Variants in EIPR1 observed in about 807,000 individuals in gnomAD.
EIPR1 encodes the protein EARP and GARP complex-interacting protein 1.
A neutral mutation model predicts 48.1 loss-of-function variants in EIPR1; 25 were observed. The ratio of observed to expected loss-of-function variants is 0.52; its 90% CI spans 0.38 to 0.73. EIPR1 has a LOEUF of 0.73. EIPR1 is among the 30% of genes least tolerant of loss of function. The probability of loss-of-function intolerance (pLI) is 0.00; values close to 1 mark genes in which losing one functional copy is unlikely to be tolerated. For synonymous variants in EIPR1, 204 were observed against 201.9 expected (o/e 1.01, Z -0.09); for missense variants, 415 against 506.2 (o/e 0.82, Z 1.73).
At chr2:3,281,524 T>G (rs913927629) in intron 3 of EIPR1, among the ~76,000 whole-genome samples, 1 of 151,950 alleles carries the variant, frequency 6.6e-6, no homozygotes, top group African/African-American at 2.4e-5. Context: ...ATGAAAAAAC[T>G]GAGGAAAAAT....
At chr2:3,316,734 C>T (rs1182894547) in intron 3 of EIPR1, among the ~76,000 whole-genome samples, 1 of 152,214 alleles carries the variant, frequency 6.6e-6, no homozygotes, top group Non-Finnish European at 1.5e-5. Context: ...AAGTAACAAA[C>T]CACAAAGTTG....
At chr2:3,351,040 C>G (rs1360043436) in intron 2 of EIPR1, among the ~76,000 whole-genome samples, 7 of 145,718 alleles carry the variant, frequency 4.8e-5, no homozygotes, top group African/African-American at 1.7e-4. Flanking sequence ...GCTCTGTCAC[C>G]CAGCCTGGAG....
At chr2:3,289,337 G>A (rs761858222) in intron 3 of EIPR1, among the ~76,000 whole-genome samples, 3 of 152,170 alleles carry the variant, frequency 2.0e-5, no homozygotes, top group Non-Finnish European at 4.4e-5. Flanking sequence ...CCAGACAGAG[G>A]ATGGGGCGTG....
chr2:3,302,316 G>C (rs1262040314), intron 3 of EIPR1, among the ~76,000 whole-genome samples: 1 of 152,152 alleles, frequency 6.6e-6, no homozygotes, highest in African/African-American at 2.4e-5. Flanking sequence ...AGCACAGCAA[G>C]ACCCTGTCTC....
chr2:3,256,235 G>A (rs1180351449), intron 4 of EIPR1, among the ~76,000 whole-genome samples: 7 of 152,210 alleles, frequency 4.6e-5, no homozygotes, highest in Admixed American at 1.3e-4. Context: ...AACCTGAGTC[G>A]GTCCTCAGTC....
rs948461650 is a variant in EIPR1 at position 3,299,624 on chromosome 2, T to TCTCA, written c.259+38392_259+38393insTGAG. Among the ~76,000 whole-genome samples the TCTCA allele has an allele frequency of 2.8e-3, 380 of 136,804 alleles. 1 individual carries two copies. The highest frequency in any genetic ancestry group is 6.1e-3 in the South Asian group (24 of 3,966). The allele number at this position is 136,804 out of a possible 152,430, so 89.7% of individuals were successfully genotyped here. ...TATTTTCTCTCTCTCTCTCTCTCTC[T>TCTCA]CACACACACACACACACACACACAC... On this transcript the variant is annotated intron_variant, in intron 3 of 8. Coordinates refer to ENST00000382125, the MANE Select transcript of EIPR1 (RefSeq NM_003310.5).
intron 2 of EIPR1, among the ~76,000 whole-genome samples, chr2:3,346,341 G>A (rs936045709): frequency 2.0e-5 from 3 of 152,232 alleles, no homozygotes; most frequent in Admixed American, 6.5e-5. Flanking sequence ...TCTGGATAGC[G>A]TGACTTCTCT....
At chr2:3,231,517 A>G (rs1022120565) in intron 4 of EIPR1, among the ~76,000 whole-genome samples, 2 of 152,210 alleles carry the variant, frequency 1.3e-5, no homozygotes, top group Non-Finnish European at 1.5e-5. Context: ...AATTACTTCT[A>G]TATCTAATTT....
chr2:3,298,968 G>A (rs1024361675), intron 3 of EIPR1, among the ~76,000 whole-genome samples: 2 of 152,154 alleles, frequency 1.3e-5, no homozygotes, highest in South Asian at 4.1e-4. Flanking sequence ...ACTGCGCTCA[G>A]ATCTTTGCCC....
chr2:3,194,693 GAAA>G (rs1558213827), intron 6 of EIPR1, among the ~76,000 whole-genome samples: 9 of 29,946 alleles, frequency 3.0e-4, no homozygotes, highest in African/African-American at 1.2e-3. Context: ...GAGAGAGAGA[GAAA>G]GGGGGGGGCA....
intron 3 of EIPR1, among the ~76,000 whole-genome samples, chr2:3,283,003 C>T (rs1668061771): frequency 6.6e-6 from 1 of 152,228 alleles, no homozygotes; most frequent in South Asian, 2.1e-4. Flanking sequence ...GTGATCTGTC[C>T]TTTTACTTAA....
intron 3 of EIPR1, among the ~76,000 whole-genome samples, chr2:3,313,242 G>A (rs750333160): frequency 2.0e-5 from 3 of 152,212 alleles, no homozygotes; most frequent in Non-Finnish European, 4.4e-5. Context: ...GAGGGTTAAA[G>A]GCAGTGAGGA....
intron 7 of EIPR1, among the ~76,000 whole-genome samples, chr2:3,193,094 T>G (rs1664666730): frequency 6.6e-6 from 1 of 152,186 alleles, no homozygotes. Flanking sequence ...CCTCCCGTCA[T>G]GCTGAGGCCA....
chr2:3,323,545 G>A (rs929253259), intron 3 of EIPR1, among the ~76,000 whole-genome samples: 1 of 152,208 alleles, frequency 6.6e-6, no homozygotes, highest in Non-Finnish European at 1.5e-5. Flanking sequence ...GGTCCACGAT[G>A]GACATGGGCC....
chr2:3,224,893 C>A (rs1472274576), intron 4 of EIPR1, among the ~76,000 whole-genome samples: 2 of 152,186 alleles, frequency 1.3e-5, no homozygotes, highest in African/African-American at 4.8e-5. Flanking sequence ...TATCTGAATC[C>A]CAGCACCGGA....
chr2:3,193,802 TC>T (rs1664695150), intron 7 of EIPR1, among the ~76,000 whole-genome samples, 196 bp downstream of exon 7: 1 of 152,258 alleles, frequency 6.6e-6, no homozygotes, highest in African/African-American at 2.4e-5. Flanking sequence ...TTAATGTTTT[TC>T]TTCTTTTCCT....
intron 1 of EIPR1, among the ~76,000 whole-genome samples, chr2:3,360,188 G>A (rs1271660972): frequency 1.3e-5 from 2 of 152,106 alleles, no homozygotes; most frequent in Non-Finnish European, 2.9e-5. Flanking sequence ...CAGATCACCT[G>A]AGGTCAGGAG....
chr2:3,280,063 T>G (rs1667970015), intron 3 of EIPR1, among the ~76,000 whole-genome samples: 1 of 152,252 alleles, frequency 6.6e-6, no homozygotes, highest in South Asian at 2.1e-4. Context: ...CCCATTCTGG[T>G]TCACCATTTT....
intron 1 of EIPR1, among the ~76,000 whole-genome samples, chr2:3,357,727 T>G (rs1374619856): frequency 6.6e-6 from 1 of 152,258 alleles, no homozygotes; most frequent in Non-Finnish European, 1.5e-5. Flanking sequence ...GAATCTGCTG[T>G]GATTCTGGGG....
Sources: allele counts gnomAD v4.1 joint callset (sites outside exome capture counted in the v4.1 genomes callset), GRCh38; gene constraint gnomAD v4.1.1; transcripts MANE v1.5; gene names NCBI Gene and HGNC (gene_info 2026-07-23, HGNC 2026-07-21).